The following DMPK variants were observed in gnomAD, a reference collection of about 807,000 sequenced individuals.
DMPK encodes DM1 protein kinase, also known as myotonin-protein kinase.
DMPK carries 32 observed loss-of-function variants against 70.3 expected under a neutral mutation model. The observed-to-expected ratio is 0.46, with a 90% CI of 0.34 to 0.61. The LOEUF is 0.61. Among genes scored for constraint, DMPK ranks in the 20% least tolerant of loss-of-function variants. The pLI, the probability that DMPK is intolerant of heterozygous loss-of-function variation, is 0.01. For synonymous variants in DMPK, 469 were observed against 390.9 expected (o/e 1.20, Z -2.36); for missense variants, 899 against 886.0 (o/e 1.01, Z -0.19).
Position 45,782,417 on chromosome 19 carries a change from C to T in DMPK, c.-65G>A, listed in dbSNP as rs1970178653. 1 of 1,457,412 alleles carries T rather than the reference C, an allele frequency of 6.9e-7. No homozygotes were observed. The allele number at this position is 1,457,412 out of a possible 1,614,324, so 90.3% of individuals were successfully genotyped here. ...GCTCGGGGTCCTCCTGTCACAGGGC[C>T]TGGCAGCCCCTGTCCAGGCCCTGGA... On this transcript the variant is annotated 5_prime_UTR_variant, in exon 1 of 15. Coordinates refer to ENST00000291270, the MANE Select transcript of DMPK (RefSeq NM_004409.5).
At chr19:45,770,748 C>T in intron 14 of DMPK, 108 bp from the exon 15 acceptor site, 1 of 1,322,594 alleles carries the variant, frequency 7.6e-7, no homozygotes, top group African/African-American at 1.5e-5. Flanking sequence ...TGCGCCCCGC[C>T]CCCGCCCCAA....
In DMPK at chr19:45,770,344, G is replaced by A. The variant is rs1440444810; in HGVS notation, c.*144C>T. On this transcript the variant is annotated 3_prime_UTR_variant, in exon 15 of 15. Coordinates refer to ENST00000291270, the MANE Select transcript of DMPK (RefSeq NM_004409.5). ...CCTCCCTCCCCGGCCGCTAGGGGGC[G>A]GGCCCGGATCACAGGACTGGAGCTG... 1.4e-5 allele frequency: 16 copies of A among 1,180,594 alleles called. No individual in the cohort carries two copies. The East Asian group carries it at 2.3e-4, about 17-fold the overall frequency. The allele number at this position is 1,180,594 out of a possible 1,614,324, so 73.1% of individuals were successfully genotyped here. A position where few individuals can be genotyped will look rare whatever the true frequency, so the allele number is the denominator to read the frequency against.
chr19:45,771,739 A>G (rs768279580), intron 11 of DMPK, 32 bp downstream of exon 11: 1 of 1,598,730 alleles, frequency 6.3e-7, no homozygotes, highest in Non-Finnish European at 8.5e-7. Flanking sequence ...ACCGGCCCGC[A>G]TCCCGGCCCC....
At position 45,777,559 on chromosome 19, in the gene DMPK, C is replaced by A. The variant is rs1445378586; in HGVS notation, c.914G>T (p.Gly305Val). Residue 305 changes from glycine (G) to valine (V), a missense_variant, in exon 8 of 15, where the codon GGG becomes GTG. Coordinates refer to ENST00000291270, the MANE Select transcript of DMPK (RefSeq NM_004409.5). The surrounding 1 kb of genome is among the most constrained non-coding windows in gnomAD (Gnocchi z 6.7). ...GAAGTCTCGAGCCTCCTCAGGGACCCCTTCGTCCACCAGCGGCAGAGAGAG... is the reference window on the plus strand; with the variant it reads ...GAAGTCTCGAGCCTCCTCAGGGACCACTTCGTCCACCAGCGGCAGAGAGAG... ...EHLSLPLVDE[G>V]VPEEARDFIQ... The A allele has an allele frequency of 6.2e-7, 1 of 1,613,576 alleles. No homozygotes were observed. Among genetic ancestry groups the A allele is most frequent in the South Asian group, 1.1e-5 (1 of 91,074 alleles).
At chr19:45,778,771 C>T in intron 4 of DMPK, 130 bp from the exon 5 acceptor site, 2 of 970,464 alleles carry the variant, frequency 2.1e-6, no homozygotes, top group Non-Finnish European at 3.0e-6. Flanking sequence ...CCAGAGATAA[C>T]CATAGAGATC....
Position 45,770,499 on chromosome 19 carries a change from G to C in DMPK, c.1879C>G (p.Arg627Gly), listed in dbSNP as rs749173799. 6.4e-7 allele frequency: 1 copy of C among 1,550,402 alleles called. No homozygotes were observed. Among genetic ancestry groups the C allele is most frequent in the South Asian group, 1.2e-5 (1 of 84,038 alleles). Residue 627 changes from arginine to glycine, a missense_variant, in exon 15 of 15, where the codon CGC (arginine) becomes GGC (glycine). Transcript: ENST00000291270. Reference sequence around the variant, plus strand: ...GACAGTTCTAGGGTTCAGGGAGCGCGGGCGGCTCCTGGGCGGCGCCAGACT... The same window carrying C: ...GACAGTTCTAGGGTTCAGGGAGCGCCGGCGGCTCCTGGGCGGCGCCAGACT... ...TAVWRRPGAARAP is the reference protein window; with the variant it reads ...TAVWRRPGAAGAP
chr19:45,772,785 CAG>C, intron 9 of DMPK, 33 bp from the exon 10 acceptor site: 1 of 1,293,696 alleles, frequency 7.7e-7, no homozygotes, highest in Non-Finnish European at 1.0e-6. Flanking sequence ...GGGAGGGAGA[CAG>C]AATGCTGATT....
chr19:45,776,463 T>A (rs1057055020), intron 8 of DMPK, among the ~76,000 whole-genome samples: 10 of 149,618 alleles, frequency 6.7e-5, no homozygotes, highest in African/African-American at 2.5e-4. Context: ...ATTTTTTAAT[T>A]TCAGTTTATC....
In DMPK at chr19:45,777,335, C is replaced by T. The variant is rs528309659; in HGVS notation, c.1138G>A (p.Gly380Arg). 6 of 1,574,080 alleles carry T rather than the reference C, an allele frequency of 3.8e-6. No homozygotes were observed. The African/African-American group carries it at 5.4e-5, about 14-fold the overall frequency. Residue 380 changes from glycine (G) to arginine (R), a missense_variant, in exon 8 of 15, where the codon GGG becomes AGG. Physicochemically the swap from Gly to Arg is moderately radical, Grantham distance 125. Transcript: ENST00000291270. The surrounding 1 kb of genome is among the most constrained non-coding windows in gnomAD (Gnocchi z 6.7). The stretch of plus-strand genomic sequence containing the variant: ...GGGCCACAGGTACCTACCCCGCCCC[C>T]GCTCACCATGGCAGTGAGCCCGTCC... The part of the protein sequence containing the change: ...VEDGLTAMVS[G>R]GGETLSDIRE...
chr19:45,777,658 C>G lies in DMPK; in HGVS notation c.882+9G>C. 6.2e-7 allele frequency: 1 copy of G among 1,613,884 alleles called. No individual in the cohort carries two copies. Among genetic ancestry groups the G allele is most frequent in the South Asian group, 1.1e-5 (1 of 91,092 alleles). ...GGGAGAGGCCAGGTCTCCCTGCGGC[C>G]GTGCTCACCTTGTAGTGGACGATCT... On this transcript the variant is annotated intron_variant, in intron 7 of 14. Transcript: ENST00000291270. The surrounding 1 kb of genome is among the most constrained non-coding windows in gnomAD (Gnocchi z 6.7).
intron 8 of DMPK, 41 bp from the exon 9 acceptor site, chr19:45,775,075 G>A (rs945998330): frequency 9.1e-6 from 14 of 1,538,896 alleles, no homozygotes; most frequent in African/African-American, 2.7e-5. Context: ...TCGTCAGGGC[G>A]GGCCCCTCAC....
chr19:45,777,218 G>C lies in DMPK; in HGVS notation c.1146+109C>G. Reference sequence around the variant, plus strand: ...TAGATGGGCACAGAGCAGGTGCTCTGGGGAATGAGTGATTCAGGACCCCAG... The same window carrying C: ...TAGATGGGCACAGAGCAGGTGCTCTCGGGAATGAGTGATTCAGGACCCCAG... On this transcript the variant is annotated intron_variant, in intron 8 of 14. Coordinates refer to ENST00000291270, the MANE Select transcript of DMPK (RefSeq NM_004409.5). The surrounding 1 kb of genome is among the most constrained non-coding windows in gnomAD (Gnocchi z 6.7). 7.1e-7 allele frequency: 1 copy of C among 1,403,718 alleles called. No homozygotes were observed. The highest frequency in any genetic ancestry group is 9.4e-7 in the Non-Finnish European group (1 of 1,066,766). 87.0% of individuals were successfully genotyped at this position (1,403,718 alleles called of 1,614,324 possible). A position where few individuals can be genotyped will look rare whatever the true frequency, so the allele number is the denominator to read the frequency against.
At chr19:45,771,294 A>T in intron 13 of DMPK, 56 bp downstream of exon 13, 3 of 1,548,152 alleles carry the variant, frequency 1.9e-6, no homozygotes, top group Non-Finnish European at 2.6e-6. Context: ...GGAGCCAGGG[A>T]GGGGATCTGC....
Position 45,772,627 on chromosome 19 carries a change from C to T in DMPK, c.1344+14G>A. Reference sequence around the variant, plus strand: ...AATTGTCCCTGACGGACCCCCTCCCCTCCACCAACTTACTGTTTCATCCTG... The same window carrying T: ...AATTGTCCCTGACGGACCCCCTCCCTTCCACCAACTTACTGTTTCATCCTG... On this transcript the variant is annotated intron_variant, in intron 10 of 14. Transcript: ENST00000291270. The T allele has an allele frequency of 1.3e-6, 2 of 1,534,176 alleles. No homozygotes were observed. The highest frequency in any genetic ancestry group is 1.2e-5 in the South Asian group (1 of 80,162).
rs1969228706 is a variant in DMPK at position 45,769,945 on chromosome 19, A to C, written c.*543T>G. ...GGCTCCGAGAGCAGCGCAAGTGAGG[A>C]GGGGGGCGCGGGATCCCCGAAAAAG... On this transcript the variant is annotated 3_prime_UTR_variant, in exon 15 of 15. Coordinates refer to ENST00000291270, the MANE Select transcript of DMPK (RefSeq NM_004409.5). 2 of 310,312 alleles carry C rather than the reference A, an allele frequency of 6.4e-6. No homozygotes were observed. The highest frequency in any genetic ancestry group is 4.4e-5 in the Admixed American group (1 of 22,816). The allele number at this position is 310,312 out of a possible 1,614,324, so 19.2% of individuals were successfully genotyped here.
At chr19:45,770,880 C>T (rs1259411870) in intron 14 of DMPK, 91 bp downstream of exon 14, 5 of 1,111,792 alleles carry the variant, frequency 4.5e-6, no homozygotes, top group Non-Finnish European at 6.2e-6. Context: ...GCCGTGGGCC[C>T]AGCCCCGCAA....
intron 9 of DMPK, among the ~76,000 whole-genome samples, chr19:45,772,972 C>T (rs1048722992): frequency 6.6e-6 from 1 of 152,236 alleles, no homozygotes; most frequent in Non-Finnish European, 1.5e-5. Context: ...CCCCTGGGAG[C>T]TGCTCTTTCT....
chr19:45,771,292 G>A (rs1969419112), intron 13 of DMPK, 58 bp downstream of exon 13: 1 of 1,547,502 alleles, frequency 6.5e-7, no homozygotes, highest in African/African-American at 1.4e-5. Context: ...CAGGAGCCAG[G>A]GAGGGGATCT....
intron 8 of DMPK, among the ~76,000 whole-genome samples, chr19:45,776,439 G>A (rs1323937552): frequency 6.6e-6 from 1 of 151,378 alleles, no homozygotes; most frequent in Non-Finnish European, 1.5e-5. Context: ...CACCACGCCC[G>A]GCCAGCCCAG....
Sources: gnomAD v4.1 joint callset for allele counts (sites outside exome capture counted in the v4.1 genomes callset) on GRCh38, gnomAD v4.1.1 for gene constraint, Gnocchi (gnomAD v3.1) non-coding constraint, MANE v1.5 for transcripts, NCBI Gene and HGNC (gene_info 2026-07-23, HGNC 2026-07-21) for gene names.